Variants in BCAR3 observed in about 807,000 individuals in gnomAD.
The protein encoded by BCAR3 is BCAR3 adaptor protein, NSP family member.
BCAR3 carries 37 observed loss-of-function variants against 80.1 expected under a neutral mutation model. The ratio of observed to expected loss-of-function variants is 0.46; its 90% confidence interval spans 0.36 to 0.61. The LOEUF is 0.61. Ranked by LOEUF, BCAR3 falls within the 20% of genes least tolerant of loss-of-function variation. The pLI is 0.00. For synonymous variants in BCAR3, 389 were observed against 418.9 expected (o/e 0.93, Z 0.87); for missense variants, 978 against 1,068.2 (o/e 0.92, Z 1.18).
intron 2 of BCAR3, among the ~76,000 whole-genome samples, chr1:93,844,198 T>C (rs780857094): frequency 9.9e-5 from 15 of 152,090 alleles, no homozygotes; most frequent in Non-Finnish European, 2.1e-4. Context: ...TCCCAGCTAC[T>C]TAGGAGGCTG....
chr1:93,588,131 T>C (rs1360917398), intron 5 of BCAR3, among the ~76,000 whole-genome samples: 1 of 152,152 alleles, frequency 6.6e-6, no homozygotes, highest in Non-Finnish European at 1.5e-5. Flanking sequence ...ATTTAAGTTT[T>C]CAGCTCTAAC....
intron 3 of BCAR3, chr1:93,599,274 G>A (rs1338733257): frequency 2.0e-5 from 3 of 152,280 alleles, no homozygotes; most frequent in African/African-American, 7.2e-5. Flanking sequence ...AAAGTGCTGA[G>A]AGAATCAAAC....
chr1:93,731,413 C>G (rs1308522658), intron 2 of BCAR3, among the ~76,000 whole-genome samples: 2 of 152,134 alleles, frequency 1.3e-5, no homozygotes, highest in Non-Finnish European at 2.9e-5. Context: ...TTCTGTTTAT[C>G]TAAAGCTAGT....
chr1:93,601,973 C>CCAGG (rs1270711622), intron 3 of BCAR3, among the ~76,000 whole-genome samples: 2 of 152,140 alleles, frequency 1.3e-5, no homozygotes, highest in Non-Finnish European at 2.9e-5. Context: ...CCACAACAGT[C>CCAGG]CAGGCCTCTT....
chr1:93,677,537 T>C (rs1175917142), intron 1 of BCAR3, among the ~76,000 whole-genome samples: 1 of 152,164 alleles, frequency 6.6e-6, no homozygotes, highest in Non-Finnish European at 1.5e-5. Context: ...GGGAGGTTAC[T>C]GAGGCTGATG....
intron 2 of BCAR3, among the ~76,000 whole-genome samples, chr1:93,737,302 T>C (rs1462808565): frequency 6.6e-6 from 1 of 152,172 alleles, no homozygotes; most frequent in African/African-American, 2.4e-5. Context: ...TATTTGGAAA[T>C]AGGGTCTTTT....
intron 3 of BCAR3, among the ~76,000 whole-genome samples, chr1:93,615,252 G>A (rs1570971675): frequency 3.3e-5 from 5 of 152,122 alleles, no homozygotes; most frequent in South Asian, 2.1e-4. Flanking sequence ...CGGGATTAGC[G>A]TCAAATCCTC....
chr1:93,627,881 A>G (rs1675498048), intron 3 of BCAR3, among the ~76,000 whole-genome samples: 1 of 152,216 alleles, frequency 6.6e-6, no homozygotes, highest in African/African-American at 2.4e-5. Flanking sequence ...TGATTGAGCC[A>G]TAAGTTTTCA....
intron 1 of BCAR3, among the ~76,000 whole-genome samples, chr1:93,677,405 C>T (rs1648536643): frequency 6.6e-6 from 1 of 152,070 alleles, no homozygotes; most frequent in Non-Finnish European, 1.5e-5. Context: ...TCTTGAAGGC[C>T]CTGCCAAGGT....
intron 2 of BCAR3, among the ~76,000 whole-genome samples, chr1:93,713,007 G>T (rs970195234): frequency 6.6e-6 from 1 of 152,016 alleles, no homozygotes; most frequent in Non-Finnish European, 1.5e-5. Context: ...TTTTTCTCTA[G>T]GGCAATACAG....
chr1:93,731,456 C>T lies in BCAR3; in HGVS notation c.-62-25314G>A, dbSNP rs190254056. On this transcript the variant is annotated intron_variant, in intron 2 of 13. Coordinates refer to the BCAR3 transcript ENST00000370244. Reference sequence around the variant, plus strand: ...TTCTTTTTTTCCAATCTAGGAGAGGCACAACAACGATTCTATGCCAGGGGA... The same window carrying T: ...TTCTTTTTTTCCAATCTAGGAGAGGTACAACAACGATTCTATGCCAGGGGA... Among the ~76,000 whole-genome samples the T allele has an allele frequency of 3.3e-5, 5 of 152,030 alleles. No individual in the cohort carries two copies. The East Asian group carries it at 9.7e-4, about 29-fold the overall frequency.
At chr1:93,577,922 C>T (rs1401633804) in intron 7 of BCAR3, among the ~76,000 whole-genome samples, 1 of 152,240 alleles carries the variant, frequency 6.6e-6, no homozygotes, top group Admixed American at 6.5e-5. Flanking sequence ...CCTGGAGCCA[C>T]GCCTGCTTGC....
At chr1:93,749,586 CAAA>C (rs1160570100) in intron 2 of BCAR3, among the ~76,000 whole-genome samples, 6 of 69,402 alleles carry the variant, frequency 8.6e-5, no homozygotes, top group Admixed American at 3.4e-4. Flanking sequence ...GAGACTCCGT[CAAA>C]AAAAAAAAAA....
chr1:93,797,640 G>A (rs74101547), intron 2 of BCAR3, among the ~76,000 whole-genome samples: 21,454 of 151,838 alleles, frequency 0.14, 2,466 homozygotes, highest in African/African-American at 0.31. Flanking sequence ...AAAAGCTTTC[G>A]ATAATTTTCT....
At chr1:93,649,682 C>T (rs547453716) in intron 2 of BCAR3, among the ~76,000 whole-genome samples, 4 of 152,114 alleles carry the variant, frequency 2.6e-5, no homozygotes, top group African/African-American at 9.6e-5. Context: ...GAGTTACAGT[C>T]ACAAATCTGA....
intron 3 of BCAR3, among the ~76,000 whole-genome samples, chr1:93,629,765 T>G (rs181321471): frequency 6.6e-6 from 1 of 152,046 alleles, no homozygotes; most frequent in Non-Finnish European, 1.5e-5. Flanking sequence ...TCCCAAAGAG[T>G]AGATAGGTCT....
At chr1:93,632,708 A>G (rs561344644) in intron 3 of BCAR3, among the ~76,000 whole-genome samples, 215 of 152,360 alleles carry the variant, frequency 1.4e-3, no homozygotes, top group Non-Finnish European at 2.4e-3. Context: ...ATGGATGCAC[A>G]TAAAAACTGG....
intron 2 of BCAR3, among the ~76,000 whole-genome samples, chr1:93,783,144 G>A (rs968291996): frequency 6.6e-6 from 1 of 152,252 alleles, no homozygotes; most frequent in East Asian, 1.9e-4. Flanking sequence ...ATATAATAAA[G>A]TTGAAACTGT....
chr1:93,834,584 T>A (rs995485521), intron 2 of BCAR3, among the ~76,000 whole-genome samples: 1 of 152,218 alleles, frequency 6.6e-6, no homozygotes, highest in African/African-American at 2.4e-5. Context: ...AGCCTTTCTG[T>A]CCAAACAACG....
Sources: allele counts gnomAD v4.1 joint callset (sites outside exome capture counted in the v4.1 genomes callset), GRCh38; gene constraint gnomAD v4.1.1; transcripts MANE v1.5; gene names NCBI Gene and HGNC (gene_info 2026-07-23, HGNC 2026-07-21).